MYOF: variants seen among roughly 807,000 people sequenced by gnomAD.
MYOF encodes fer-1-like 3, myoferlin.
MYOF carries 244 observed loss-of-function variants against 284.2 expected under a neutral mutation model. The observed-to-expected ratio is 0.86, with a 90% CI of 0.77 to 0.95. MYOF has a LOEUF of 0.95. Among genes scored for constraint, MYOF ranks in the 40% least tolerant of loss-of-function variants. The pLI, the probability that MYOF is intolerant of heterozygous loss-of-function variation, is 0.00. For synonymous variants in MYOF, 904 were observed against 919.7 expected (o/e 0.98, Z 0.31); for missense variants, 2,496 against 2,560.6 (o/e 0.97, Z 0.54).
At chr10:93,343,251 C>T (rs1844013796) in intron 38 of MYOF, among the ~76,000 whole-genome samples, 1 of 152,042 alleles carries the variant, frequency 6.6e-6, no homozygotes, top group Non-Finnish European at 1.5e-5. Flanking sequence ...GCTGGAATAG[C>T]TAGTTCTAAA....
Position 93,356,529 on chromosome 10 carries a change from G to T in MYOF, c.3294+146C>A, listed in dbSNP as rs1227590979. On this transcript the variant is annotated intron_variant, in intron 30 of 53. Transcript: ENST00000359263. ...ACACGAGGTATTGAGCACCCAGGAT[G>T]TGTGGCTTTCCCTCAACCTGTTAAT... 2.5e-5 allele frequency: 20 copies of T among 808,078 alleles called. No individual in the cohort carries two copies. The Admixed American group carries it at 3.4e-4, about 14-fold the overall frequency. 50.1% of individuals were successfully genotyped at this position (808,078 alleles called of 1,614,324 possible).
chr10:93,306,976 T>C lies in MYOF; in HGVS notation c.6173A>G (p.Lys2058Arg). Residue 2058 changes from lysine (K) to arginine (R), a missense_variant, in exon 54 of 54, where the codon AAG (lysine) becomes AGG (arginine). Lys to Arg is a conservative substitution (Grantham distance 26). This residue lies in a region of MYOF where 2,436 missense variants were observed against 2,480.7 expected (regional missense o/e 0.98). Transcript: ENST00000359263. Reference protein sequence around the residue: ...LPNYLSMKIVKPNV With the variant: ...LPNYLSMKIVRPNV ...CCTTTGCCTTTGTTACACATTTGGC[T>C]TTACAATCTTCATTGACAAATAGTT... The C allele has an allele frequency of 6.2e-7, 1 of 1,613,306 alleles. No homozygotes were observed. The highest frequency in any genetic ancestry group is 8.5e-7 in the Non-Finnish European group (1 of 1,179,526).
chr10:93,363,997 G>T lies in MYOF; in HGVS notation c.2832C>A (p.Gly944=). ...VYQNESRYPG[G]DWKPAEDTYT... ...AGGTGTCCTCGGCCGGCTTCCAGTC[G>T]CCCCCGGGGTAGCGGCTCTCGTTCT... The change falls in exon 27 of 54, where the codon GGC becomes GGA. Residue 944 remains glycine (G), a synonymous_variant. Transcript: ENST00000359263. 6.2e-7 allele frequency: 1 copy of T among 1,614,072 alleles called. No homozygotes were observed. The highest frequency in any genetic ancestry group is 1.1e-5 in the South Asian group (1 of 91,088).
Position 93,379,973 on chromosome 10 carries a change from A to G in MYOF, c.1891T>C (p.Tyr631His). The G allele has an allele frequency of 6.2e-7, 1 of 1,613,876 alleles. No homozygotes were observed. The change falls in exon 21 of 54, where the codon TAC becomes CAC. Residue 631 changes from tyrosine to histidine, a missense_variant. Tyr to His is a moderately conservative substitution (Grantham distance 83). This residue lies in a region of MYOF where 2,436 missense variants were observed against 2,480.7 expected (regional missense o/e 0.98). Coordinates refer to ENST00000359263, the MANE Select transcript of MYOF (RefSeq NM_013451.4). The stretch of plus-strand genomic sequence containing the variant: ...GGCTTGGTGTGGGCCCAAGGCAAGT[A>G]ATAATAGTAGTTGCCTGGTATAAAA... The part of the protein sequence containing the change: ...RAVFDGNYYY[Y>H]LPWAHTKPVV...
At chr10:93,321,593 G>C (rs1361876027) in intron 48 of MYOF, among the ~76,000 whole-genome samples, 1 of 151,850 alleles carries the variant, frequency 6.6e-6, no homozygotes, top group African/African-American at 2.4e-5. Flanking sequence ...ACTGAGGAGA[G>C]TTCACATTCT....
chr10:93,378,337 A>G (rs1025940427), intron 21 of MYOF, among the ~76,000 whole-genome samples: 1 of 152,162 alleles, frequency 6.6e-6, no homozygotes, highest in Non-Finnish European at 1.5e-5. Context: ...CATCTCAAAC[A>G]CAATTAGAAC....
At chr10:93,425,702 G>A (rs1425249038) in intron 5 of MYOF, 1 of 217,412 alleles carries the variant, frequency 4.6e-6, no homozygotes, top group Non-Finnish European at 9.1e-6. Context: ...GAGGTGAGGA[G>A]ACACACAGAG....
intron 3 of MYOF, among the ~76,000 whole-genome samples, chr10:93,441,029 G>C (rs1237520482): frequency 6.6e-6 from 1 of 152,140 alleles, no homozygotes; most frequent in Non-Finnish European, 1.5e-5. Flanking sequence ...TCAGAACTGA[G>C]AGTTCTGCCC....
At chr10:93,425,374 G>A (rs570728870) in intron 5 of MYOF, among the ~76,000 whole-genome samples, 5 of 152,120 alleles carry the variant, frequency 3.3e-5, no homozygotes, top group South Asian at 2.1e-4. Flanking sequence ...TTAGCATCAC[G>A]TCATCCTGGG....
At chr10:93,395,017 A>G (rs1223000) in intron 16 of MYOF, among the ~76,000 whole-genome samples, 56,538 of 151,732 alleles carry the variant, frequency 0.37, 12,116 homozygotes, top group Middle Eastern at 0.59. Flanking sequence ...CTTAAACAAG[A>G]TAAGGATGAG....
In MYOF at chr10:93,306,762, TAA is replaced by T; in HGVS notation, c.*199_*200del. The T allele has an allele frequency of 1.7e-6, 1 of 573,658 alleles. No individual in the cohort carries two copies. The highest frequency in any genetic ancestry group is 1.9e-5 in the African/African-American group (1 of 51,646). 35.5% of individuals were successfully genotyped at this position (573,658 alleles called of 1,614,324 possible). ...TTTAGAAAATAAAACTTTTAATACT[TAA>T]GAGATAACATGATGCAAACGTTGCT... On this transcript the variant is annotated 3_prime_UTR_variant, in exon 54 of 54. Transcript: ENST00000359263.
chr10:93,465,528 T>TTTTC (rs2056984694), intron 1 of MYOF, among the ~76,000 whole-genome samples: 2 of 105,020 alleles, frequency 1.9e-5, no homozygotes, highest in East Asian at 2.4e-4. Flanking sequence ...TTCTTTCTTT[T>TTTTC]TTTTCTTTTC....
intron 3 of MYOF, among the ~76,000 whole-genome samples, chr10:93,443,436 TTCTCTCC>T (rs2056331760): frequency 6.7e-6 from 1 of 149,958 alleles, no homozygotes; most frequent in Non-Finnish European, 1.5e-5. Context: ...CTCCTCTCTC[TTCTCTCC>T]TCTTTCTTCT....
In MYOF at chr10:93,409,603, C is replaced by T; in HGVS notation, c.570G>A (p.Arg190=). ...RRLTKVKNSR[R]MLSNKPQDFQ... Reference sequence around the variant, plus strand: ...AGTCCTGTGGCTTATTTGACAGCATCCGCCGGCTGTTCTTTACTTTGGTGA... The same window carrying T: ...AGTCCTGTGGCTTATTTGACAGCATTCGCCGGCTGTTCTTTACTTTGGTGA... Residue 190 remains arginine (R), a synonymous_variant, in exon 6 of 54, where the codon CGG becomes CGA. Transcript: ENST00000359263. 3 of 1,614,146 alleles carry T rather than the reference C, an allele frequency of 1.9e-6. No individual in the cohort carries two copies. Among genetic ancestry groups the T allele is most frequent in the Non-Finnish European group, 2.5e-6 (3 of 1,180,028 alleles).
intron 36 of MYOF, among the ~76,000 whole-genome samples, chr10:93,349,141 T>TA (rs1334277416): frequency 6.6e-6 from 1 of 151,542 alleles, no homozygotes; most frequent in Non-Finnish European, 1.5e-5. Context: ...TATAATAGAG[T>TA]AAAAAAGAAA....
At chr10:93,387,698 CAT>C (rs1846451796) in intron 19 of MYOF, 97 bp downstream of exon 19, 3 of 869,488 alleles carry the variant, frequency 3.5e-6, no homozygotes, top group African/African-American at 1.7e-5. Flanking sequence ...ATGAGGGCCT[CAT>C]TGTGAGTTGG....
chr10:93,425,105 A>AT (rs2134188326), intron 5 of MYOF, among the ~76,000 whole-genome samples: 2 of 151,622 alleles, frequency 1.3e-5, no homozygotes, highest in South Asian at 4.2e-4. Context: ...CACCTGGCCA[A>AT]TTTTTTTGAA....
rs537871667 is a variant in MYOF, at chr10:93,465,528, T to TTTTTTTA, written c.89-8592_89-8591insTAAAAAA. Among the ~76,000 whole-genome samples, 3 of 105,022 alleles carry TTTTTTTA rather than the reference T, an allele frequency of 2.9e-5. No homozygotes were observed. The South Asian group carries it at 1.1e-3, about 40-fold the overall frequency. 68.9% of individuals were successfully genotyped at this position (105,022 alleles called of 152,430 possible). A position where few individuals can be genotyped will look rare whatever the true frequency, so the allele number is the denominator to read the frequency against. The stretch of plus-strand genomic sequence containing the variant: ...TTTTTCTTTTCTTTTTTCTTTCTTT[T>TTTTTTTA]TTTTCTTTTCTTTTTTTTTTTTTTT... On this transcript the variant is annotated intron_variant, in intron 1 of 53. Transcript: ENST00000359263.
rs537971215 is a variant in MYOF, at chr10:93,409,588, C to A, written c.585G>T (p.Lys195Asn). 6.2e-7 allele frequency: 1 copy of A among 1,613,850 alleles called. No individual in the cohort carries two copies. The highest frequency in any genetic ancestry group is 8.5e-7 in the Non-Finnish European group (1 of 1,179,966). ...VKNSRRMLSN[K>N]PQDFQIRVRV... ...CCGTTGCTACCTGGAAGTCCTGTGG[C>A]TTATTTGACAGCATCCGCCGGCTGT... Residue 195 changes from lysine (K) to asparagine (N), a missense_variant, in exon 6 of 54, where the codon AAG becomes AAT. By Grantham distance (94) the Lys-to-Asn change is moderately conservative. Transcript: ENST00000359263.
Sources: gnomAD v4.1 joint callset for allele counts (sites outside exome capture counted in the v4.1 genomes callset) on GRCh38, gnomAD v4.1.1 for gene constraint, gnomAD v4.1.1 regional missense constraint, MANE v1.5 for transcripts, NCBI Gene and HGNC (gene_info 2026-07-23, HGNC 2026-07-21) for gene names.